ADGRL3: variants seen among roughly 807,000 people sequenced by gnomAD.
ADGRL3 encodes the protein adhesion G protein-coupled receptor L3, also known as calcium-independent alpha-latrotoxin receptor 3.
A neutral mutation model predicts 153.5 loss-of-function variants in ADGRL3; 62 were observed. The observed-to-expected ratio is 0.40, with a 90% CI of 0.33 to 0.50. The LOEUF (loss-of-function observed/expected upper bound fraction) is 0.50. Ranked by LOEUF, ADGRL3 falls within the 20% of genes least tolerant of loss-of-function variation. The pLI, the probability that ADGRL3 is intolerant of heterozygous loss-of-function variation, is 0.47. For synonymous variants in ADGRL3, 710 were observed against 672.5 expected (o/e 1.06, Z -0.86); for missense variants, 1,641 against 1,859.4 (o/e 0.88, Z 2.16).
intron 1 of ADGRL3, among the ~76,000 whole-genome samples, chr4:61,308,106 CT>C (rs1012363585): frequency 6.6e-6 from 1 of 152,144 alleles, no homozygotes; most frequent in African/African-American, 2.4e-5. Context: ...GAAAAAGTTG[CT>C]TATGAGCATG....
intron 6 of ADGRL3, among the ~76,000 whole-genome samples, chr4:61,728,825 A>G (rs1217706775): frequency 1.3e-5 from 2 of 151,948 alleles, no homozygotes; most frequent in Non-Finnish European, 2.9e-5. Context: ...TCGATTATGC[A>G]ATTTGTTAAG....
chr4:61,642,917 T>C (rs2093756188), intron 5 of ADGRL3, among the ~76,000 whole-genome samples: 1 of 152,224 alleles, frequency 6.6e-6, no homozygotes, highest in African/African-American at 2.4e-5. Context: ...TTCCTACCCA[T>C]GAGCATGGAA....
intron 24 of ADGRL3, among the ~76,000 whole-genome samples, chr4:62,038,368 G>T (rs1726252076): frequency 6.6e-6 from 1 of 152,018 alleles, no homozygotes; most frequent in Non-Finnish European, 1.5e-5. Flanking sequence ...TAACATACCT[G>T]GTCTAAGCTC....
chr4:61,400,571 A>G (rs1267165739), intron 2 of ADGRL3, among the ~76,000 whole-genome samples: 1 of 151,826 alleles, frequency 6.6e-6, no homozygotes, highest in Non-Finnish European at 1.5e-5. Flanking sequence ...ACAGCTCTTT[A>G]TTCCTTCCAA....
intron 1 of ADGRL3, among the ~76,000 whole-genome samples, chr4:61,317,460 T>C (rs990567794): frequency 1.3e-5 from 2 of 152,314 alleles, no homozygotes; most frequent in South Asian, 2.1e-4. Context: ...ACATTCATTA[T>C]GTACTGCCAA....
intron 1 of ADGRL3, among the ~76,000 whole-genome samples, chr4:61,335,134 A>G (rs1055207114): frequency 6.6e-6 from 1 of 152,140 alleles, no homozygotes; most frequent in Non-Finnish European, 1.5e-5. Context: ...AATTAATAAA[A>G]TGTTGCGTTA....
rs528053117 is a variant in ADGRL3 at position 62,026,648 on chromosome 4, G to T, written c.3396-2207G>T. 1.6e-4 allele frequency among the ~76,000 whole-genome samples: 25 copies of T among 152,100 alleles called. 1 individual carries two copies. In the South Asian group the frequency reaches 5.0e-3, roughly 30 times the overall value. On this transcript the variant is annotated intron_variant, in intron 21 of 26. Transcript: ENST00000683033. The stretch of plus-strand genomic sequence containing the variant: ...CAGAGATAGAGAACAAAACACAGGG[G>T]CAGGGGAAAGAAATGGGGAGATGTA...
At chr4:61,958,978 T>G (rs1013419708) in intron 17 of ADGRL3, among the ~76,000 whole-genome samples, 4 of 152,308 alleles carry the variant, frequency 2.6e-5, no homozygotes, top group African/African-American at 4.8e-5. Context: ...AGGAAACATT[T>G]GATTGTCTTC....
intron 8 of ADGRL3, among the ~76,000 whole-genome samples, chr4:61,805,238 G>C (rs2097542069): frequency 6.6e-6 from 1 of 151,926 alleles, no homozygotes; most frequent in Non-Finnish European, 1.5e-5. Flanking sequence ...CACCGCGCCT[G>C]GCCTGTTTCC....
intron 21 of ADGRL3, among the ~76,000 whole-genome samples, chr4:62,012,116 C>T (rs932396135): frequency 1.3e-5 from 2 of 152,100 alleles, no homozygotes; most frequent in Non-Finnish European, 2.9e-5. Context: ...GACTGAAAGA[C>T]TTTGGGCCTC....
At chr4:61,763,920 A>T (rs1330122806) in intron 8 of ADGRL3, among the ~76,000 whole-genome samples, 1 of 152,198 alleles carries the variant, frequency 6.6e-6, no homozygotes, top group Non-Finnish European at 1.5e-5. Flanking sequence ...CCAGTAGAAT[A>T]AAAATGTATG....
chr4:61,606,463 T>C (rs2149602925), intron 5 of ADGRL3, among the ~76,000 whole-genome samples: 1 of 152,300 alleles, frequency 6.6e-6, no homozygotes, highest in Non-Finnish European at 1.5e-5. Context: ...TCAAGGCCTT[T>C]CCTTGGCTTG....
intron 4 of ADGRL3, among the ~76,000 whole-genome samples, chr4:61,529,226 T>G (rs1237119091): frequency 1.3e-5 from 2 of 152,204 alleles, no homozygotes; most frequent in African/African-American, 4.8e-5. Flanking sequence ...CTATTCTAAG[T>G]ACATCTTATG....
intron 8 of ADGRL3, among the ~76,000 whole-genome samples, chr4:61,800,774 T>G (rs553720905): frequency 1.3e-5 from 2 of 152,338 alleles, no homozygotes; most frequent in South Asian, 4.1e-4. Context: ...TTACAGGCCA[T>G]CAGGCATAAT....
chr4:61,698,535 G>T (rs868567410), intron 6 of ADGRL3, among the ~76,000 whole-genome samples: 4 of 152,232 alleles, frequency 2.6e-5, no homozygotes, highest in Middle Eastern at 3.4e-3. Context: ...TATGCATTGG[G>T]TGAAAAGCTG....
Position 61,263,827 on chromosome 4 carries a change from A to G in ADGRL3, c.-240+62062A>G, listed in dbSNP as rs73822589. ...AAGTAGAAGTGATTCATTGGTTAAC[A>G]GAAAACGTAATGTCCAGAGCTTCAT... On this transcript the variant is annotated intron_variant, in intron 1 of 26. Coordinates refer to ENST00000683033, the MANE Select transcript of ADGRL3 (RefSeq NM_001387552.1). Among the ~76,000 whole-genome samples, 198 of 152,180 alleles carry G rather than the reference A, an allele frequency of 1.3e-3. 1 individual carries two copies. The highest frequency in any genetic ancestry group is 4.6e-3 in the African/African-American group (192 of 41,566).
chr4:61,283,234 C>T (rs1026116886), intron 1 of ADGRL3, among the ~76,000 whole-genome samples: 4 of 152,016 alleles, frequency 2.6e-5, no homozygotes, highest in African/African-American at 9.7e-5. Flanking sequence ...CTCTCTGTTC[C>T]CTTTGTGTTC....
At chr4:61,975,746 G>C (rs2099045625) in intron 17 of ADGRL3, among the ~76,000 whole-genome samples, 1 of 152,100 alleles carries the variant, frequency 6.6e-6, no homozygotes. Context: ...GGCTTAGAGG[G>C]TAAGACCTAT....
chr4:61,337,956 T>C (rs563781815), intron 1 of ADGRL3, among the ~76,000 whole-genome samples: 2 of 152,064 alleles, frequency 1.3e-5, no homozygotes, highest in East Asian at 1.9e-4. Flanking sequence ...ACATTCAGAG[T>C]AGTACTTAGA....
Sources: allele counts gnomAD v4.1 joint callset (sites outside exome capture counted in the v4.1 genomes callset), GRCh38; gene constraint gnomAD v4.1.1; transcripts MANE v1.5; gene names NCBI Gene and HGNC (gene_info 2026-07-23, HGNC 2026-07-21).